The following PPFIBP2 variants were observed in gnomAD, a reference collection of about 807,000 sequenced individuals.
The protein encoded by PPFIBP2 is PPFIB scaffold protein 2, also known as liprin-beta-2.
A neutral mutation model predicts 118.3 loss-of-function variants in PPFIBP2; 118 were observed. The observed-to-expected ratio is 1.00, with a 90% confidence interval of 0.86 to 1.16. The LOEUF (loss-of-function observed/expected upper bound fraction) is 1.16, where lower values mean the gene tolerates loss of function less well. Among genes scored for constraint, PPFIBP2 ranks in the 50% most tolerant of loss-of-function variants. The pLI, the probability that PPFIBP2 is intolerant of heterozygous loss-of-function variation, is 0.00. For missense variants in PPFIBP2, 1,195 were observed against 1,073.1 expected (o/e 1.11, Z -1.59); for synonymous variants, 414 against 397.4 (o/e 1.04, Z -0.50).
At chr11:7,559,455 G>A (rs1394467008) in intron 2 of PPFIBP2, among the ~76,000 whole-genome samples, 2 of 152,162 alleles carry the variant, frequency 1.3e-5, no homozygotes, top group African/African-American at 4.8e-5. Flanking sequence ...GGCTTTAGGT[G>A]TTGCACTATT....
chr11:7,651,914 G>A lies in PPFIBP2; in HGVS notation c.2436+70G>A, dbSNP rs964360851. 3.8e-5 allele frequency: 53 copies of A among 1,404,108 alleles called. 1 individual carries two copies. Among genetic ancestry groups the A allele is most frequent in the African/African-American group, 1.0e-4 (7 of 68,766 alleles). 87.0% of individuals were successfully genotyped at this position (1,404,108 alleles called of 1,614,324 possible). On this transcript the variant is annotated intron_variant, in intron 23 of 23. Coordinates refer to ENST00000299492, the MANE Select transcript of PPFIBP2 (RefSeq NM_003621.5). ...GCCCTCACGCAGCACAGCACCTGGCGCGATGCCCACAGCCAGAGCAGCATG... is the reference window on the plus strand; with the variant it reads ...GCCCTCACGCAGCACAGCACCTGGCACGATGCCCACAGCCAGAGCAGCATG...
chr11:7,634,336 C>G (rs1851168942), intron 12 of PPFIBP2, among the ~76,000 whole-genome samples, 159 bp from the exon 13 acceptor site: 1 of 152,210 alleles, frequency 6.6e-6, no homozygotes, highest in Admixed American at 6.5e-5. Flanking sequence ...GTGGGCCAGT[C>G]TCATTTTGTA....
chr11:7,560,603 C>T (rs139949748), intron 2 of PPFIBP2, among the ~76,000 whole-genome samples: 5,458 of 152,216 alleles, frequency 0.036, 137 homozygotes, highest in Middle Eastern at 0.075. Context: ...TGAGATTATT[C>T]TTATATATTA....
chr11:7,516,819 G>T (rs572898831), intron 1 of PPFIBP2, among the ~76,000 whole-genome samples: 2 of 152,086 alleles, frequency 1.3e-5, no homozygotes, highest in Admixed American at 6.5e-5. Context: ...CACTGCTGGC[G>T]CAACTGGCCT....
At chr11:7,578,258 G>C (rs1316331074) in intron 3 of PPFIBP2, among the ~76,000 whole-genome samples, 1 of 152,228 alleles carries the variant, frequency 6.6e-6, no homozygotes. Flanking sequence ...CATACTCCTA[G>C]AATTCAGGCT....
the PPFIBP2 span, among the ~76,000 whole-genome samples, chr11:7,664,106 T>C: frequency 6.6e-6 from 1 of 152,200 alleles, no homozygotes; most frequent in South Asian, 2.1e-4. Flanking sequence ...ATCACCGTCT[T>C]CTGCGTCGCT....
chr11:7,629,557 C>T (rs368017215), intron 10 of PPFIBP2, 23 bp downstream of exon 10: 49 of 1,608,724 alleles, frequency 3.0e-5, no homozygotes, highest in Middle Eastern at 3.3e-4. Context: ...GCGATCCTAC[C>T]GTTGTCTCTG....
Position 7,616,873 on chromosome 11 carries a change from G to A in PPFIBP2, c.619-4062G>A, listed in dbSNP as rs765261096. Among the ~76,000 whole-genome samples the A allele has an allele frequency of 1.3e-5, 2 of 151,968 alleles. No individual in the cohort carries two copies. The highest frequency in any genetic ancestry group is 2.9e-5 in the Non-Finnish European group (2 of 67,998). On this transcript the variant is annotated intron_variant, in intron 6 of 23. Coordinates refer to ENST00000299492, the MANE Select transcript of PPFIBP2 (RefSeq NM_003621.5). This position sits in a 1 kb window ranked among gnomAD's most constrained non-coding sequence, Gnocchi z 5.2. ...TGTTGACACAACAATATGGCACAAA[G>A]GAGCTGTTGGGGATTTGTTCGAACT...
chr11:7,642,327 A>G lies in PPFIBP2; in HGVS notation c.1547A>G (p.Tyr516Cys). The G allele has an allele frequency of 6.2e-7, 1 of 1,614,114 alleles. No individual in the cohort carries two copies. The highest frequency in any genetic ancestry group is 8.5e-7 in the Non-Finnish European group (1 of 1,179,988). The change falls in exon 17 of 24, where the codon TAC (tyrosine) becomes TGC (cysteine). Residue 516 changes from tyrosine to cysteine, a missense_variant. Tyr to Cys is a radical substitution (Grantham distance 194, BLOSUM62 -2). Transcript: ENST00000299492. ...CGAAGAACTCAGTCAGGAAATTTCT[A>G]CACTGACACGCTGGGGATGGCAGAG... ...KIRRTQSGNFYTDTLGMAEFR... is the reference protein window; with the variant it reads ...KIRRTQSGNFCTDTLGMAEFR...
chr11:7,586,446 A>G (rs7479864), intron 3 of PPFIBP2, among the ~76,000 whole-genome samples: 29,547 of 152,096 alleles, frequency 0.19, 2,935 homozygotes, highest in East Asian at 0.27. Context: ...CCATATTCCT[A>G]TGATTATTCA....
At chr11:7,619,284 C>G (rs1223433441) in intron 6 of PPFIBP2, among the ~76,000 whole-genome samples, 4 of 152,142 alleles carry the variant, frequency 2.6e-5, no homozygotes, top group African/African-American at 9.7e-5. Context: ...GTCAGGATAG[C>G]TTTACTCAGG....
chr11:7,586,448 GATT>G (rs1858199066), intron 3 of PPFIBP2, among the ~76,000 whole-genome samples: 2 of 152,110 alleles, frequency 1.3e-5, no homozygotes, highest in African/African-American at 4.8e-5. Flanking sequence ...ATATTCCTAT[GATT>G]ATTCAAAAAC....
At chr11:7,663,452 G>C in the PPFIBP2 span, among the ~76,000 whole-genome samples, 2 of 152,134 alleles carry the variant, frequency 1.3e-5, no homozygotes, top group Admixed American at 1.3e-4. Flanking sequence ...CTCCCAGTTA[G>C]GCTGCTCAGG....
At chr11:7,537,983 G>A (rs1466221074) in intron 1 of PPFIBP2, among the ~76,000 whole-genome samples, 2 of 152,224 alleles carry the variant, frequency 1.3e-5, no homozygotes, top group Non-Finnish European at 2.9e-5. Flanking sequence ...TCAGCTTGGA[G>A]AGAGAGGGGA....
chr11:7,521,143 C>T (rs956305321), intron 1 of PPFIBP2, among the ~76,000 whole-genome samples: 1 of 152,212 alleles, frequency 6.6e-6, no homozygotes, highest in Middle Eastern at 3.2e-3. Context: ...GTTATTCTTA[C>T]TTTCACTTCC....
chr11:7,634,644 C>A (rs1851220430), intron 13 of PPFIBP2, 92 bp downstream of exon 13: 1 of 934,184 alleles, frequency 1.1e-6, no homozygotes, highest in Non-Finnish European at 1.7e-6. Flanking sequence ...TGGTCCCTAC[C>A]TTGTAGAGGA....
chr11:7,643,840 T>G (rs1222806900), intron 17 of PPFIBP2, among the ~76,000 whole-genome samples: 2 of 152,206 alleles, frequency 1.3e-5, no homozygotes, highest in Non-Finnish European at 2.9e-5. Flanking sequence ...ATATGATATT[T>G]GATAACATTG....
rs552496880 is a variant in PPFIBP2 at position 7,634,520 on chromosome 11, C to T, written c.1162C>T (p.Leu388=). The part of the protein sequence containing the change: ...TRAQKKLSCS[L]EDLRSESVDK... ...GGCTCAGAAAAAGCTCTCTTGTAGT[C>T]TAGAAGACTTGAGAAGTGAATCTGT... The change falls in exon 13 of 24, where the codon CTA becomes TTA. Residue 388 remains leucine (L), a synonymous_variant. Transcript: ENST00000299492. 2.5e-6 allele frequency: 4 copies of T among 1,613,234 alleles called. No homozygotes were observed. The highest frequency in any genetic ancestry group is 1.3e-5 in the African/African-American group (1 of 74,976).
chr11:7,630,532 G>A (rs1441437039), intron 10 of PPFIBP2, among the ~76,000 whole-genome samples: 6 of 152,092 alleles, frequency 3.9e-5, no homozygotes, highest in Non-Finnish European at 2.9e-5. Flanking sequence ...GGCTAGACTC[G>A]AACTCCTGAC....
Sources: gnomAD v4.1 joint callset for allele counts (sites outside exome capture counted in the v4.1 genomes callset) on GRCh38, gnomAD v4.1.1 for gene constraint, Gnocchi (gnomAD v3.1) non-coding constraint, MANE v1.5 for transcripts, NCBI Gene and HGNC (gene_info 2026-07-23, HGNC 2026-07-21) for gene names.